BSN: variants seen among roughly 807,000 people sequenced by gnomAD.
BSN encodes bassoon presynaptic cytomatrix protein.
A neutral mutation model predicts 264.8 loss-of-function variants in BSN; 57 were observed. The observed-to-expected ratio is 0.22, with a 90% confidence interval of 0.17 to 0.27. BSN has a LOEUF of 0.27. Among genes scored for constraint, BSN ranks in the 10% least tolerant of loss-of-function variants. The pLI is 1.00. For missense variants in BSN, 4,615 were observed against 5,232.5 expected (o/e 0.88, Z 3.64); for synonymous variants, 2,059 against 2,137.3 (o/e 0.96, Z 1.01).
intron 1 of BSN, among the ~76,000 whole-genome samples, chr3:49,605,462 TATATATA>T (rs1181012086): frequency 2.2e-4 from 2 of 9,102 alleles, no homozygotes; most frequent in African/African-American, 5.2e-4. Flanking sequence ...TAATATATAT[TATATATA>T]ATATATATTA....
rs75372138 is a variant in BSN, at chr3:49,652,112, C to T, written c.2556C>T (p.Ala852=). 14 of 1,613,054 alleles carry T rather than the reference C, an allele frequency of 8.7e-6. No homozygotes were observed. Among genetic ancestry groups the T allele is most frequent in the South Asian group, 6.6e-5 (6 of 90,936 alleles). The part of the protein sequence containing the change: ...FMRRQILEMS[A]EEDNLEEDDT... ...GACGGCAGATTCTCGAGATGAGCGCCGAGGAAGACAACCTGGAGGAGGATG... is the reference window on the plus strand; with the variant it reads ...GACGGCAGATTCTCGAGATGAGCGCTGAGGAAGACAACCTGGAGGAGGATG... Residue 852 remains alanine (A), a synonymous_variant, in exon 5 of 12, where the codon GCC becomes GCT. Coordinates refer to ENST00000296452, the MANE Select transcript of BSN (RefSeq NM_003458.4).
rs1466581369 is a variant in BSN at position 49,671,339 on chromosome 3, T to C, written c.*3854T>C. 1 of 152,512 alleles carries C rather than the reference T, an allele frequency of 6.6e-6. No individual in the cohort carries two copies. Among genetic ancestry groups the C allele is most frequent in the East Asian group, 1.9e-4 (1 of 5,176 alleles). 9.4% of individuals were successfully genotyped at this position (152,512 alleles called of 1,614,324 possible). A position where few individuals can be genotyped will look rare whatever the true frequency, so the allele number is the denominator to read the frequency against. On this transcript the variant is annotated 3_prime_UTR_variant, in exon 12 of 12. Transcript: ENST00000296452. This position sits in a 1 kb window ranked among gnomAD's most constrained non-coding sequence, Gnocchi z 4.1. ...TCCCTTTCTTTCCTTCTCTCCTTCT[T>C]TATTTGAGGGGGGAAGAGTGCTGTA...
rs375045678 is a variant in BSN at position 49,652,531 on chromosome 3, C to T, written c.2975C>T (p.Ser992Leu). The T allele has an allele frequency of 9.3e-6, 15 of 1,613,568 alleles. No individual in the cohort carries two copies. Among genetic ancestry groups the T allele is most frequent in the Non-Finnish European group, 1.2e-5 (14 of 1,180,020 alleles). Reference sequence around the variant, plus strand: ...CCTGCCTCCACACCCAGCTACACCTCGGGCACCTCTCCCACCTCTCTGTCC... The same window carrying T: ...CCTGCCTCCACACCCAGCTACACCTTGGGCACCTCTCCCACCTCTCTGTCC... ...TLPASTPSYT[S>L]GTSPTSLSSL... is the part of the protein sequence containing the mutation. The change falls in exon 5 of 12, where the codon TCG becomes TTG. Residue 992 changes from serine (S) to leucine (L), a missense_variant. Transcript: ENST00000296452.
chr3:49,565,727 CA>C (rs1575424747), intron 1 of BSN, among the ~76,000 whole-genome samples: 1 of 152,218 alleles, frequency 6.6e-6, no homozygotes, highest in Non-Finnish European at 1.5e-5. Context: ...GCATTTATCA[CA>C]ACCAACAAAG....
At position 49,651,722 on chromosome 3, in the gene BSN, C is replaced by G. The variant is rs747287872; in HGVS notation, c.2166C>G (p.Ser722=). ...CAGGGCCACATCCACCCAGCCCCTC[C>G]GAGATCCACAAGGTGGGGAGCAGCA... The part of the protein sequence containing the change: ...GVTGPHPPSP[S]EIHKVGSSMR... Residue 722 remains serine (S), a synonymous_variant, in exon 5 of 12, where the codon TCC becomes TCG. Coordinates refer to ENST00000296452, the MANE Select transcript of BSN (RefSeq NM_003458.4). This position sits in a 1 kb window ranked among gnomAD's most constrained non-coding sequence, Gnocchi z 5.4. 6.2e-7 allele frequency: 1 copy of G among 1,613,662 alleles called. No individual in the cohort carries two copies. Among genetic ancestry groups the G allele is most frequent in the African/African-American group, 1.3e-5 (1 of 74,926 alleles).
intron 1 of BSN, among the ~76,000 whole-genome samples, chr3:49,588,536 G>C (rs906156851): frequency 3.9e-5 from 6 of 152,126 alleles, no homozygotes; most frequent in African/African-American, 1.4e-4. Context: ...CAATTGAAAT[G>C]AATCTTTCTT....
chr3:49,622,465 C>A (rs749869823), intron 1 of BSN, among the ~76,000 whole-genome samples: 2 of 152,098 alleles, frequency 1.3e-5, no homozygotes, highest in Non-Finnish European at 2.9e-5. Flanking sequence ...AGTTTAGAAC[C>A]CTAAATGTCT....
intron 1 of BSN, among the ~76,000 whole-genome samples, chr3:49,572,619 C>T (rs944804305): frequency 3.9e-5 from 6 of 152,258 alleles, no homozygotes; most frequent in East Asian, 3.9e-4. Context: ...CGGCAAGCTC[C>T]GCTTCCCGGG....
In BSN at chr3:49,661,875, C is replaced by T; in HGVS notation, c.10030C>T (p.Pro3344Ser). ...TCCAGGGCCCATGGGGCCCAAGCATCCCTCCAAGAGCCTGGCTCCAGCTGC... is the reference window on the plus strand; with the variant it reads ...TCCAGGGCCCATGGGGCCCAAGCATTCCTCCAAGAGCCTGGCTCCAGCTGC... ...YGPGPMGPKH[P>S]SKSLAPAAIS... The change falls in exon 6 of 12, where the codon CCC (proline) becomes TCC (serine). Residue 3344 changes from proline (P) to serine (S), a missense_variant. Around this residue, in one of 3 missense-constraint regions of BSN, gnomAD observed 3,415 missense variants for 3,866.4 expected, o/e 0.88. Transcript: ENST00000296452. 1 of 1,613,702 alleles carries T rather than the reference C, an allele frequency of 6.2e-7. No homozygotes were observed.
At chr3:49,634,009 A>G (rs1029900342) in intron 2 of BSN, among the ~76,000 whole-genome samples, 7 of 152,172 alleles carry the variant, frequency 4.6e-5, no homozygotes, top group African/African-American at 1.7e-4. Flanking sequence ...GATCGAGACC[A>G]TCTTGGCCAA....
chr3:49,657,099 G>A lies in BSN; in HGVS notation c.7543G>A (p.Gly2515Arg), dbSNP rs2052611105. ...LTHAAFIAMA[G>R]PEGLGQPREP... The stretch of plus-strand genomic sequence containing the variant: ...ACATGCAGCCTTCATTGCCATGGCA[G>A]GGCCTGAAGGACTTGGGCAGCCTCG... Residue 2515 changes from glycine to arginine, a missense_variant, in exon 5 of 12, where the codon GGG (glycine) becomes AGG (arginine). Gly to Arg is a moderately radical substitution (Grantham distance 125, BLOSUM62 -2). Around this residue, in one of 3 missense-constraint regions of BSN, gnomAD observed 3,415 missense variants for 3,866.4 expected, o/e 0.88. Coordinates refer to ENST00000296452, the MANE Select transcript of BSN (RefSeq NM_003458.4). 6.2e-7 allele frequency: 1 copy of A among 1,610,206 alleles called. No homozygotes were observed.
At chr3:49,601,745 G>A (rs1001993644) in intron 1 of BSN, among the ~76,000 whole-genome samples, 5 of 152,186 alleles carry the variant, frequency 3.3e-5, no homozygotes, top group African/African-American at 1.2e-4. Context: ...TCCAGTTTTT[G>A]TATGTATCAC....
rs566733145 is a variant in BSN, at chr3:49,652,171, A to G, written c.2615A>G (p.His872Arg). 3.0e-5 allele frequency: 48 copies of G among 1,613,984 alleles called. 1 individual carries two copies. In the South Asian group the frequency reaches 3.6e-4, roughly 12 times the overall value. Reference sequence around the variant, plus strand: ...ACCTCCGGGCGTGGCCTGGCCAAACATGGCACCCAGAAAGGTGGCCCCAGA... The same window carrying G: ...ACCTCCGGGCGTGGCCTGGCCAAACGTGGCACCCAGAAAGGTGGCCCCAGA... Reference protein sequence around the residue: ...TATSGRGLAKHGTQKGGPRPR... With the variant: ...TATSGRGLAKRGTQKGGPRPR... The change falls in exon 5 of 12, where the codon CAT becomes CGT. Residue 872 changes from histidine (H) to arginine (R), a missense_variant. Coordinates refer to ENST00000296452, the MANE Select transcript of BSN (RefSeq NM_003458.4).
intron 1 of BSN, among the ~76,000 whole-genome samples, chr3:49,599,035 G>T (rs1365370119): frequency 1.3e-5 from 2 of 152,234 alleles, no homozygotes; most frequent in East Asian, 3.9e-4. Flanking sequence ...TGAGAGGTTG[G>T]AGCCTTGGGT....
At chr3:49,598,261 T>A (rs761776312) in intron 1 of BSN, among the ~76,000 whole-genome samples, 2 of 152,230 alleles carry the variant, frequency 1.3e-5, no homozygotes, top group African/African-American at 2.4e-5. Flanking sequence ...AACTTGTTAT[T>A]GATTCTGTCC....
At chr3:49,646,901 C>T (rs1022547230) in intron 3 of BSN, among the ~76,000 whole-genome samples, 2 of 152,154 alleles carry the variant, frequency 1.3e-5, no homozygotes, top group East Asian at 1.9e-4. Context: ...TAGGCATGTC[C>T]AGCAACAGGG....
In BSN at chr3:49,554,782, C is replaced by T. The variant is rs2051651376; in HGVS notation, c.180C>T (p.Val60=). The T allele has an allele frequency of 1.6e-6, 2 of 1,225,456 alleles. No homozygotes were observed. The highest frequency in any genetic ancestry group is 3.1e-5 in the African/African-American group (2 of 63,880). The allele number at this position is 1,225,456 out of a possible 1,614,324, so 75.9% of individuals were successfully genotyped here. ...CGCGGTCGACCGCGGTACCACCGGT[C>T]CCTGGCCCCGGCCCCGGCCCCGGTC... The part of the protein sequence containing the change: ...GAARSTAVPP[V]PGPGPGPGPG... The change falls in exon 1 of 12, where the codon GTC becomes GTT. Residue 60 remains valine (V), a synonymous_variant. Transcript: ENST00000296452.
chr3:49,629,798 C>T (rs2052371263), intron 2 of BSN, among the ~76,000 whole-genome samples: 1 of 152,250 alleles, frequency 6.6e-6, no homozygotes, highest in Admixed American at 6.5e-5. Flanking sequence ...ATCTGCCTCC[C>T]ACCACCCTTG....
At chr3:49,672,938 C>T (rs2052828170), downstream of BSN, among the ~76,000 whole-genome samples, 3 of 151,318 alleles carry the variant, frequency 2.0e-5, no homozygotes, top group South Asian at 6.3e-4. Flanking sequence ...TGCCACCATG[C>T]CCAGCTAATT....
Sources: gnomAD v4.1 joint callset for allele counts (sites outside exome capture counted in the v4.1 genomes callset) on GRCh38, gnomAD v4.1.1 for gene constraint, gnomAD v4.1.1 regional missense constraint, Gnocchi (gnomAD v3.1) non-coding constraint, MANE v1.5 for transcripts, NCBI Gene and HGNC (gene_info 2026-07-23, HGNC 2026-07-21) for gene names.